The following STAG1 variants were observed in gnomAD, a reference collection of about 807,000 sequenced individuals.
STAG1 encodes cohesin subunit SA-1.
In STAG1, 26 loss-of-function variants were observed where a neutral mutation model predicts 170.9. The observed-to-expected ratio is 0.15, with a 90% CI of 0.11 to 0.21. The LOEUF (loss-of-function observed/expected upper bound fraction) is 0.21. STAG1 is among the 10% of genes least tolerant of loss of function. STAG1 has a pLI of 1.00. For missense variants in STAG1, 964 were observed against 1,509.5 expected, an observed-to-expected ratio of 0.64 and a Z score of 5.99; for synonymous variants, 514 against 497.7, an observed-to-expected ratio of 1.03 and a Z score of -0.44.
chr3:136,430,228 T>C (rs2088257119), intron 16 of STAG1: 1 of 152,186 alleles, frequency 6.6e-6, no homozygotes, highest in Admixed American at 6.5e-5. Context: ...AACCCCTGCA[T>C]TGTTCAAGGG....
chr3:136,692,312 T>C (rs1307797765), intron 1 of STAG1, among the ~76,000 whole-genome samples: 1 of 27,132 alleles, frequency 3.7e-5, no homozygotes, highest in Non-Finnish European at 5.5e-5. Context: ...AGACTCCATC[T>C]CAAAAAAAAA....
intron 6 of STAG1, among the ~76,000 whole-genome samples, chr3:136,537,932 G>A (rs1468657945): frequency 1.3e-5 from 2 of 152,038 alleles, no homozygotes; most frequent in African/African-American, 2.4e-5. Context: ...CTCCTTGCAC[G>A]CATTCATCTT....
At position 136,651,999 on chromosome 3, in the gene STAG1, C is replaced by A. The variant is rs538812417; in HGVS notation, c.-83-21018G>T. Among the ~76,000 whole-genome samples, 26 of 152,136 alleles carry A rather than the reference C, an allele frequency of 1.7e-4. 1 individual carries two copies. The South Asian group carries it at 4.4e-3, about 26-fold the overall frequency. ...AAGGATAAGTGTGCCCTTGGTTCAA[C>A]CAGGAAAACATCACAGCAGAAAGTA... On this transcript the variant is annotated intron_variant, in intron 1 of 33. Coordinates refer to ENST00000383202, the MANE Select transcript of STAG1 (RefSeq NM_005862.3).
intron 12 of STAG1, among the ~76,000 whole-genome samples, chr3:136,471,824 C>T (rs977571872): frequency 6.6e-6 from 1 of 152,054 alleles, no homozygotes; most frequent in Non-Finnish European, 1.5e-5. Flanking sequence ...CTTTTGCAGT[C>T]TTCTTTCTCT....
chr3:136,375,464 T>A (rs183013509), intron 23 of STAG1, among the ~76,000 whole-genome samples: 1 of 152,192 alleles, frequency 6.6e-6, no homozygotes, highest in Admixed American at 6.5e-5. Flanking sequence ...TAGTTTGGGA[T>A]AACTGTATAT....
chr3:136,470,764 G>C (rs1284175451), intron 12 of STAG1, among the ~76,000 whole-genome samples: 6 of 152,138 alleles, frequency 3.9e-5, no homozygotes, highest in African/African-American at 7.2e-5. Context: ...ACTGGATTAA[G>C]AAAATGTGGC....
chr3:136,458,496 C>A (rs971858455), intron 13 of STAG1, among the ~76,000 whole-genome samples: 4 of 151,994 alleles, frequency 2.6e-5, no homozygotes, highest in African/African-American at 4.8e-5. Context: ...TTTTTACAAG[C>A]CTCAGTGTAA....
chr3:136,426,634 T>C (rs2088133881), intron 16 of STAG1, among the ~76,000 whole-genome samples: 1 of 151,918 alleles, frequency 6.6e-6, no homozygotes, highest in Non-Finnish European at 1.5e-5. Flanking sequence ...ATGACAGCAA[T>C]GTGAATAAAG....
intron 29 of STAG1, among the ~76,000 whole-genome samples, chr3:136,346,819 C>T (rs1342334986): frequency 6.6e-6 from 1 of 152,202 alleles, no homozygotes; most frequent in Non-Finnish European, 1.5e-5. Flanking sequence ...TGAAGAATGG[C>T]TAGGCGCAAT....
rs1302894852 is a variant in STAG1 at position 136,627,369 on chromosome 3, G to A, written c.29+3501C>T. Among the ~76,000 whole-genome samples the A allele has an allele frequency of 7.9e-5, 12 of 152,064 alleles. No homozygotes were observed. In the East Asian group the frequency reaches 1.7e-3, roughly 22 times the overall value. On this transcript the variant is annotated intron_variant, in intron 2 of 33. Transcript: ENST00000383202. The stretch of plus-strand genomic sequence containing the variant: ...AGAATACCACTGTTAATAGTTTGAC[G>A]CTGCCATAAATATTTAGGCTTTTGC...
intron 13 of STAG1, among the ~76,000 whole-genome samples, chr3:136,452,694 T>G (rs75383990): frequency 0.094 from 14,346 of 152,162 alleles, 2,181 homozygotes; most frequent in African/African-American, 0.33. Flanking sequence ...AAAGGGAAAC[T>G]TTTACAATGA....
At chr3:136,529,298 G>T (rs369487187) in intron 6 of STAG1, among the ~76,000 whole-genome samples, 1 of 152,114 alleles carries the variant, frequency 6.6e-6, no homozygotes, top group Admixed American at 6.5e-5. Flanking sequence ...TTAGATACAA[G>T]AGGCTAAGAT....
chr3:136,717,434 C>A (rs1363374305), intron 1 of STAG1, among the ~76,000 whole-genome samples: 1 of 152,102 alleles, frequency 6.6e-6, no homozygotes, highest in East Asian at 1.9e-4. Context: ...GAGGTCGAGG[C>A]AGGTGGATCA....
intron 1 of STAG1, among the ~76,000 whole-genome samples, chr3:136,711,548 G>A (rs1054593909): frequency 1.4e-5 from 2 of 144,862 alleles, no homozygotes; most frequent in Non-Finnish European, 3.0e-5. Context: ...GAAACAGAGC[G>A]AGAGCATGTT....
chr3:136,499,504 A>T (rs1933350377), intron 9 of STAG1, among the ~76,000 whole-genome samples: 1 of 152,180 alleles, frequency 6.6e-6, no homozygotes, highest in Non-Finnish European at 1.5e-5. Context: ...ATGGGTCTGA[A>T]AACAGTGCTT....
chr3:136,624,198 A>G (rs1939988203), intron 2 of STAG1, among the ~76,000 whole-genome samples: 1 of 151,798 alleles, frequency 6.6e-6, no homozygotes, highest in Admixed American at 6.6e-5. Flanking sequence ...TCCCGGGTTC[A>G]CACCATTCTC....
chr3:136,668,309 A>G (rs1320610801), intron 1 of STAG1, among the ~76,000 whole-genome samples: 1 of 144,002 alleles, frequency 6.9e-6, no homozygotes, highest in Non-Finnish European at 1.5e-5. Flanking sequence ...TATATTATAC[A>G]TGACATATAT....
At chr3:136,732,612 T>C (rs1934105268) in intron 1 of STAG1, among the ~76,000 whole-genome samples, 1 of 152,140 alleles carries the variant, frequency 6.6e-6, no homozygotes, top group African/African-American at 2.4e-5. Flanking sequence ...TTCTCATTAA[T>C]AAATTTTTTG....
intron 29 of STAG1, among the ~76,000 whole-genome samples, chr3:136,346,828 A>G (rs1461694968): frequency 6.6e-6 from 1 of 152,192 alleles, no homozygotes; most frequent in East Asian, 1.9e-4. Flanking sequence ...GCTAGGCGCA[A>G]TGGCTCATGC....
Sources: allele counts gnomAD v4.1 joint callset (sites outside exome capture counted in the v4.1 genomes callset), GRCh38; gene constraint gnomAD v4.1.1; transcripts MANE v1.5; gene names NCBI Gene and HGNC (gene_info 2026-07-23, HGNC 2026-07-21).